Variants in PCSK5 observed in about 807,000 individuals in gnomAD.
The protein encoded by PCSK5 is prohormone convertase 5.
A neutral mutation model predicts 233.2 loss-of-function variants in PCSK5; 129 were observed. The ratio of observed to expected loss-of-function variants is 0.55; its 90% CI spans 0.48 to 0.64. PCSK5 has a LOEUF of 0.64. PCSK5 is among the 30% of genes least tolerant of loss of function. The probability of loss-of-function intolerance (pLI) is 0.00; values close to 1 mark genes in which losing one functional copy is unlikely to be tolerated. For synonymous variants in PCSK5, 825 were observed against 879.2 expected (o/e 0.94, Z 1.09); for missense variants, 2,076 against 2,430.1 (o/e 0.85, Z 3.06).
intron 35 of PCSK5, among the ~76,000 whole-genome samples, chr9:76,350,332 A>G (rs908554764): frequency 3.3e-5 from 5 of 152,292 alleles, no homozygotes; most frequent in South Asian, 2.1e-4. Flanking sequence ...ATGTATCACC[A>G]TCATCACCAC....
intron 5 of PCSK5, among the ~76,000 whole-genome samples, chr9:76,051,607 AAAC>A (rs573439870): frequency 3.4e-4 from 52 of 152,170 alleles, no homozygotes; most frequent in South Asian, 6.2e-4. Context: ...TCCAAAAAAA[AAAC>A]AACAACAACA....
intron 30 of PCSK5, among the ~76,000 whole-genome samples, chr9:76,320,334 G>T (rs1180153499): frequency 1.3e-5 from 2 of 151,126 alleles, no homozygotes; most frequent in African/African-American, 4.9e-5. Flanking sequence ...GGAGGCTGAG[G>T]CAGGAGAATC....
intron 5 of PCSK5, among the ~76,000 whole-genome samples, chr9:76,040,033 T>C (rs2131527032): frequency 6.6e-6 from 1 of 152,346 alleles, no homozygotes; most frequent in African/African-American, 2.4e-5. Context: ...CACAAAGTAC[T>C]TTTACATTTA....
chr9:76,278,890 G>A (rs559932581), intron 24 of PCSK5, among the ~76,000 whole-genome samples: 23 of 152,188 alleles, frequency 1.5e-4, no homozygotes, highest in South Asian at 1.0e-3. Flanking sequence ...ACTGCATTTT[G>A]CTTTATTGTA....
At chr9:76,113,925 C>T (rs1447990995) in intron 9 of PCSK5, among the ~76,000 whole-genome samples, 1 of 152,060 alleles carries the variant, frequency 6.6e-6, no homozygotes, top group Non-Finnish European at 1.5e-5. Flanking sequence ...CAAGCTTTTC[C>T]TTTTAAGAGA....
rs894244212 is a variant in PCSK5, at chr9:76,139,783, AAAAC to A, written c.1312+5575_1312+5578del. ...CTTCTAGCTCATTTACAAAAACAAA[AAAAC>A]AAAAACTAAACAAACAAACAAAAAA... On this transcript the variant is annotated intron_variant, in intron 10 of 37. Transcript: ENST00000674117. 3.9e-5 allele frequency among the ~76,000 whole-genome samples: 6 copies of A among 152,134 alleles called. No homozygotes were observed. In the South Asian group the frequency reaches 1.2e-3, roughly 31 times the overall value.
At chr9:76,017,293 A>G (rs1890558) in intron 3 of PCSK5, among the ~76,000 whole-genome samples, 45,251 of 151,986 alleles carry the variant, frequency 0.3, 7,595 homozygotes, top group East Asian at 0.62. Flanking sequence ...TTGCCAATCT[A>G]TCTCTCCAGA....
chr9:76,089,918 C>A (rs1831216692), intron 7 of PCSK5, among the ~76,000 whole-genome samples: 1 of 152,016 alleles, frequency 6.6e-6, no homozygotes, highest in Admixed American at 6.5e-5. Context: ...TAGGGTAATA[C>A]AAATTGATTT....
At chr9:76,235,565 G>C (rs1246250683) in intron 22 of PCSK5, among the ~76,000 whole-genome samples, 1 of 152,052 alleles carries the variant, frequency 6.6e-6, no homozygotes, top group East Asian at 1.9e-4. Flanking sequence ...ACTATGCCCT[G>C]AATGCCAGAG....
chr9:75,928,602 TA>T (rs1823617441), intron 1 of PCSK5, among the ~76,000 whole-genome samples: 1 of 91,324 alleles, frequency 1.1e-5, no homozygotes, highest in East Asian at 2.9e-4. Flanking sequence ...AATACATATA[TA>T]TATATATATA....
chr9:75,948,350 C>G (rs1181423358), intron 2 of PCSK5, among the ~76,000 whole-genome samples: 1 of 133,314 alleles, frequency 7.5e-6, no homozygotes, highest in African/African-American at 2.8e-5. Context: ...GTGATGTTCC[C>G]CGCTCTGTGT....
chr9:76,358,964 A>T lies in PCSK5; in HGVS notation c.*42A>T. 1 of 1,569,022 alleles carries T rather than the reference A, an allele frequency of 6.4e-7. No homozygotes were observed. Among genetic ancestry groups the T allele is most frequent in the East Asian group, 2.2e-5 (1 of 44,564 alleles). On this transcript the variant is annotated 3_prime_UTR_variant, in exon 38 of 38. Transcript: ENST00000674117. Reference sequence around the variant, plus strand: ...CAACACCACCATTCCACTCTCAGGCATGCCTGTGAGCATCACTGTTTTTGG... The same window carrying T: ...CAACACCACCATTCCACTCTCAGGCTTGCCTGTGAGCATCACTGTTTTTGG...
chr9:75,986,281 T>C (rs1480119312), intron 3 of PCSK5, 36 bp downstream of exon 3: 2 of 1,222,430 alleles, frequency 1.6e-6, no homozygotes, highest in East Asian at 4.6e-5. Context: ...TAGGGCCATG[T>C]CATCCGGTTT....
At chr9:76,229,452 A>G (rs1826007293) in intron 21 of PCSK5, among the ~76,000 whole-genome samples, 1 of 152,244 alleles carries the variant, frequency 6.6e-6, no homozygotes, top group Non-Finnish European at 1.5e-5. Context: ...CTGTGATGCC[A>G]GGATCCTCAT....
intron 20 of PCSK5, among the ~76,000 whole-genome samples, chr9:76,215,730 C>A (rs975730010): frequency 6.6e-6 from 1 of 151,942 alleles, no homozygotes; most frequent in Non-Finnish European, 1.5e-5. Context: ...CACCTGGGGT[C>A]AGGAGTGCAA....
chr9:76,022,325 CTTAA>C (rs1259837168), intron 3 of PCSK5, among the ~76,000 whole-genome samples: 3 of 152,166 alleles, frequency 2.0e-5, no homozygotes, highest in Non-Finnish European at 4.4e-5. Flanking sequence ...TTTATAATTT[CTTAA>C]TTATAGTAGG....
intron 34 of PCSK5, 55 bp from the exon 35 acceptor site, chr9:76,338,175 A>C: frequency 7.6e-7 from 1 of 1,314,018 alleles, no homozygotes; most frequent in South Asian, 1.3e-5. Context: ...TTTCCACTGC[A>C]TCCAATTTAG....
At position 76,071,677 on chromosome 9, in the gene PCSK5, T is replaced by G. The variant is rs1019436842; in HGVS notation, c.722-49T>G. The G allele has an allele frequency of 2.7e-6, 4 of 1,478,402 alleles. No homozygotes were observed. In the South Asian group the frequency reaches 3.8e-5, roughly 14 times the overall value. 91.6% of individuals were successfully genotyped at this position (1,478,402 alleles called of 1,614,324 possible). A position where few individuals can be genotyped will look rare whatever the true frequency, so the allele number is the denominator to read the frequency against. On this transcript the variant is annotated intron_variant, in intron 6 of 37. Transcript: ENST00000674117. ...ATCCTGCAGCTCTGTTCTTTGAGTG[T>G]TGTGTAGGGAAGCCCTGTAATGAGC...
intron 8 of PCSK5, among the ~76,000 whole-genome samples, chr9:76,099,618 A>G (rs1486394019): frequency 6.6e-6 from 1 of 152,216 alleles, no homozygotes; most frequent in Non-Finnish European, 1.5e-5. Context: ...AGTTGGCAGT[A>G]ACATCAGCCT....
Sources: allele counts gnomAD v4.1 joint callset (sites outside exome capture counted in the v4.1 genomes callset), GRCh38; gene constraint gnomAD v4.1.1; transcripts MANE v1.5; gene names NCBI Gene and HGNC (gene_info 2026-07-23, HGNC 2026-07-21).